LUC7L3: variants seen among roughly 807,000 people sequenced by gnomAD.
LUC7L3 encodes luc7-like protein 3.
LUC7L3 carries 6 observed loss-of-function variants against 66.8 expected under a neutral mutation model. The ratio of observed to expected loss-of-function variants is 0.09; its 90% confidence interval spans 0.05 to 0.18. The LOEUF is 0.18. Ranked by LOEUF, LUC7L3 falls within the 10% of genes least tolerant of loss-of-function variation. The pLI is 1.00. For missense variants in LUC7L3, 341 were observed against 531.1 expected (o/e 0.64, Z 3.52); for synonymous variants, 160 against 174.7 (o/e 0.92, Z 0.66).
intron 1 of LUC7L3, among the ~76,000 whole-genome samples, chr17:50,731,094 T>C (rs1969577545): frequency 6.6e-6 from 1 of 152,244 alleles, no homozygotes; most frequent in Admixed American, 6.5e-5. Flanking sequence ...TGGGGATTAC[T>C]ATTAAATGAA....
At chr17:50,719,896 G>A in intron 1 of LUC7L3, 65 bp downstream of exon 1, 1 of 1,443,832 alleles carries the variant, frequency 6.9e-7, no homozygotes, top group East Asian at 2.5e-5. Flanking sequence ...CGCGGGCTGT[G>A]GCCCTCCTGG....
intron 3 of LUC7L3, among the ~76,000 whole-genome samples, chr17:50,740,618 G>A (rs1970289453): frequency 6.6e-6 from 1 of 152,078 alleles, no homozygotes; most frequent in African/African-American, 2.4e-5. Flanking sequence ...GAGTGCAGTG[G>A]CATGATCTCA....
In LUC7L3 at chr17:50,741,770, A is replaced by G. The variant is rs757820846; in HGVS notation, c.426+39A>G. ...GCATTAATGTCAGGAAGTAATGTGA[A>G]ACAGACATGTAACCAGCAAAAATAC... On this transcript the variant is annotated intron_variant, in intron 5 of 9. Coordinates refer to ENST00000505658, the MANE Select transcript of LUC7L3 (RefSeq NM_016424.5). The G allele has an allele frequency of 4.4e-5, 66 of 1,496,428 alleles. 1 individual carries two copies. In the South Asian group the frequency reaches 7.4e-4, roughly 17 times the overall value. 92.7% of individuals were successfully genotyped at this position (1,496,428 alleles called of 1,614,324 possible). A position where few individuals can be genotyped will look rare whatever the true frequency, so the allele number is the denominator to read the frequency against.
Position 50,751,437 on chromosome 17 carries a change from C to T in LUC7L3, c.*776C>T. 1 of 1,276,698 alleles carries T rather than the reference C, an allele frequency of 7.8e-7. No homozygotes were observed. The highest frequency in any genetic ancestry group is 1.5e-5 in the African/African-American group (1 of 65,566). 79.1% of individuals were successfully genotyped at this position (1,276,698 alleles called of 1,614,324 possible). A position where few individuals can be genotyped will look rare whatever the true frequency, so the allele number is the denominator to read the frequency against. ...TATTGCCTGTGATCTTTACGCTTAACTGTTGTGTATCTTTTTTGTTCTTTA... is the reference window on the plus strand; with the variant it reads ...TATTGCCTGTGATCTTTACGCTTAATTGTTGTGTATCTTTTTTGTTCTTTA... On this transcript the variant is annotated 3_prime_UTR_variant, in exon 10 of 10. Transcript: ENST00000505658.
chr17:50,730,977 A>G (rs1161300587), intron 1 of LUC7L3, among the ~76,000 whole-genome samples: 1 of 152,152 alleles, frequency 6.6e-6, no homozygotes, highest in East Asian at 1.9e-4. Context: ...GAGATTGAAC[A>G]CTTGTCACTA....
intron 7 of LUC7L3, 47 bp from the exon 8 acceptor site, chr17:50,745,673 A>G (rs745625909): frequency 2.8e-5 from 41 of 1,479,480 alleles, no homozygotes; most frequent in Middle Eastern, 1.8e-4. Flanking sequence ...TTGTTTAACA[A>G]TGCTTTAAAG....
intron 2 of LUC7L3, chr17:50,737,269 G>T (rs1597916970): frequency 1.6e-6 from 1 of 612,550 alleles, no homozygotes; most frequent in Non-Finnish European, 3.0e-6. Flanking sequence ...CCACTTAAAT[G>T]AAAAAAATTT....
intron 1 of LUC7L3, among the ~76,000 whole-genome samples, chr17:50,725,117 A>C (rs560286994): frequency 6.0e-4 from 92 of 152,088 alleles, no homozygotes; most frequent in African/African-American, 2.0e-3. Context: ...TCCAACAAAA[A>C]TGTATTGCTC....
intron 1 of LUC7L3, among the ~76,000 whole-genome samples, chr17:50,735,076 C>CA (rs1969885109): frequency 6.6e-6 from 1 of 151,800 alleles, no homozygotes; most frequent in African/African-American, 2.4e-5. Context: ...ACTAAAAATT[C>CA]AAAATTGGCC....
At chr17:50,741,508 G>C (rs1386768276) in intron 4 of LUC7L3, 149 bp from the exon 5 acceptor site, 1 of 611,574 alleles carries the variant, frequency 1.6e-6, no homozygotes, top group African/African-American at 1.9e-5. Context: ...ATATGTGATT[G>C]ACCAACAGAA....
chr17:50,746,206 A>G (rs1970656388), intron 8 of LUC7L3, among the ~76,000 whole-genome samples: 1 of 152,176 alleles, frequency 6.6e-6, no homozygotes, highest in African/African-American at 2.4e-5. Flanking sequence ...CTGTCTAGGA[A>G]ATTTCACCCA....
chr17:50,720,164 G>T (rs1309940823), intron 1 of LUC7L3, among the ~76,000 whole-genome samples: 2 of 152,242 alleles, frequency 1.3e-5, no homozygotes, highest in Non-Finnish European at 2.9e-5. Context: ...GAAATAGGGA[G>T]AAGGGCACAT....
rs534137256 is a variant in LUC7L3 at position 50,751,486 on chromosome 17, G to A, written c.*825G>A. On this transcript the variant is annotated 3_prime_UTR_variant, in exon 10 of 10. Transcript: ENST00000505658. The stretch of plus-strand genomic sequence containing the variant: ...TACAAGAAGTGCAGAGGGGTTTTTT[G>A]TGTATTGCGTGAAAACTTATAAAAC... The A allele has an allele frequency of 1.1e-4, 134 of 1,192,898 alleles. No homozygotes were observed. Among genetic ancestry groups the A allele is most frequent in the Admixed American group, 1.4e-4 (4 of 29,300 alleles). 73.9% of individuals were successfully genotyped at this position (1,192,898 alleles called of 1,614,324 possible). A position where few individuals can be genotyped will look rare whatever the true frequency, so the allele number is the denominator to read the frequency against.
intron 1 of LUC7L3, 113 bp from the exon 2 acceptor site, chr17:50,736,847 A>G (rs905483917): frequency 2.4e-5 from 16 of 666,600 alleles, no homozygotes; most frequent in African/African-American, 2.4e-4. Flanking sequence ...AAATTCTTAC[A>G]TTGGTTGAAA....
At chr17:50,733,145 A>T (rs1476676562) in intron 1 of LUC7L3, among the ~76,000 whole-genome samples, 1 of 152,210 alleles carries the variant, frequency 6.6e-6, no homozygotes, top group Non-Finnish European at 1.5e-5. Context: ...TAATCTTTAG[A>T]TAGAATAATC....
chr17:50,733,931 A>T (rs1439745316), intron 1 of LUC7L3, among the ~76,000 whole-genome samples: 1 of 152,158 alleles, frequency 6.6e-6, no homozygotes, highest in Non-Finnish European at 1.5e-5. Flanking sequence ...ATAAACTCTC[A>T]AAGAAATGTT....
chr17:50,747,269 A>G (rs554718498), intron 9 of LUC7L3, among the ~76,000 whole-genome samples: 1 of 123,574 alleles, frequency 8.1e-6, no homozygotes, highest in South Asian at 2.4e-4. Context: ...CCAGTAGCTG[A>G]TTTACTGTGC....
rs775764927 is a variant in LUC7L3, at chr17:50,740,298, T to C, written c.167-8T>C. The C allele has an allele frequency of 3.8e-6, 6 of 1,592,484 alleles. No individual in the cohort carries two copies. The highest frequency in any genetic ancestry group is 1.2e-5 in the South Asian group (1 of 86,658). On this transcript the variant is annotated splice_polypyrimidine_tract_variant and splice_region_variant and intron_variant, in intron 2 of 9. Coordinates refer to ENST00000505658, the MANE Select transcript of LUC7L3 (RefSeq NM_016424.5). The stretch of plus-strand genomic sequence containing the variant: ...AGATAATTTATACAATTATATTTTT[T>C]CCCCCAGGTCCGTGTGAAAAAATTC...
intron 1 of LUC7L3, among the ~76,000 whole-genome samples, chr17:50,730,529 A>AAAAAAAAAAAAAAAAAG (rs1567861403): frequency 1.1e-4 from 16 of 150,924 alleles, no homozygotes; most frequent in African/African-American, 3.7e-4. Context: ...AAAAAAAAAA[A>AAAAAAAAAAAAAAAAAG]AAAAAAAAAG....
Sources: allele counts gnomAD v4.1 joint callset (sites outside exome capture counted in the v4.1 genomes callset), GRCh38; gene constraint gnomAD v4.1.1; transcripts MANE v1.5; gene names NCBI Gene and HGNC (gene_info 2026-07-23, HGNC 2026-07-21).